The following GNAO1 variants were observed in gnomAD, a reference collection of about 807,000 sequenced individuals.
GNAO1 encodes the protein G protein subunit alpha o1.
For synonymous variants in GNAO1, 164 were observed against 180.7 expected (o/e 0.91, Z 0.74); for missense variants, 166 against 478.7 (o/e 0.35, Z 6.10).
intron 2 of GNAO1, among the ~76,000 whole-genome samples, chr16:56,246,189 C>T (rs1255592700): frequency 1.3e-5 from 2 of 152,210 alleles, no homozygotes; most frequent in Admixed American, 1.3e-4. Context: ...ACACTGTGCT[C>T]TTGGAGGTGA....
At chr16:56,233,720 G>A (rs960455089) in intron 2 of GNAO1, among the ~76,000 whole-genome samples, 2 of 152,296 alleles carry the variant, frequency 1.3e-5, no homozygotes, top group East Asian at 3.9e-4. Context: ...GCCTCCCAGC[G>A]AAGATGCTGC....
At chr16:56,284,150 G>C (rs1177067317) in intron 3 of GNAO1, among the ~76,000 whole-genome samples, 1 of 152,202 alleles carries the variant, frequency 6.6e-6, no homozygotes, top group Non-Finnish European at 1.5e-5. Flanking sequence ...CTTACTTCCT[G>C]GGGAAGTGCA....
At chr16:56,206,811 AGGGAC>A (rs1392771737) in intron 2 of GNAO1, among the ~76,000 whole-genome samples, 1 of 152,208 alleles carries the variant, frequency 6.6e-6, no homozygotes, top group Non-Finnish European at 1.5e-5. Context: ...GTCTGGAAAC[AGGGAC>A]GGTTGCACAG....
intron 6 of GNAO1, chr16:56,343,722 G>T (rs779987732): frequency 1.6e-5 from 24 of 1,543,658 alleles, no homozygotes; most frequent in Non-Finnish European, 2.1e-5. Context: ...GCAGTCCCAT[G>T]GGCCTCTCGC....
chr16:56,251,268 G>T (rs2036797387), intron 2 of GNAO1, among the ~76,000 whole-genome samples: 2 of 152,144 alleles, frequency 1.3e-5, no homozygotes, highest in Non-Finnish European at 1.5e-5. Context: ...TTTGAACCTG[G>T]GACTTGTAAC....
chr16:56,313,655 C>A (rs2037480422), intron 3 of GNAO1, among the ~76,000 whole-genome samples: 1 of 152,142 alleles, frequency 6.6e-6, no homozygotes, highest in Non-Finnish European at 1.5e-5. Flanking sequence ...TTTGAAACTC[C>A]CAGGACTTGG....
chr16:56,218,549 T>A (rs1471056943), intron 2 of GNAO1, among the ~76,000 whole-genome samples: 1 of 152,140 alleles, frequency 6.6e-6, no homozygotes, highest in Non-Finnish European at 1.5e-5. Context: ...CCACCAGCAC[T>A]TGAGCAGGGC....
At chr16:56,299,030 CT>C (rs1567474319) in intron 3 of GNAO1, among the ~76,000 whole-genome samples, 3 of 152,128 alleles carry the variant, frequency 2.0e-5, no homozygotes, top group African/African-American at 7.2e-5. Flanking sequence ...TTTGGGAAGG[CT>C]TGCCTCATCC....
At chr16:56,277,846 G>A (rs2037077962) in intron 3 of GNAO1, among the ~76,000 whole-genome samples, 1 of 141,846 alleles carries the variant, frequency 7.0e-6, no homozygotes, top group Admixed American at 7.0e-5. Context: ...CACACACGGT[G>A]TGTGAGATCT....
chr16:56,310,918 G>A (rs1168830889), intron 3 of GNAO1, among the ~76,000 whole-genome samples: 5 of 152,074 alleles, frequency 3.3e-5, no homozygotes, highest in African/African-American at 1.2e-4. Context: ...TTGTCATCAT[G>A]TGCATACAGG....
At chr16:56,261,816 A>T (rs1285115751) in intron 2 of GNAO1, among the ~76,000 whole-genome samples, 5 of 152,194 alleles carry the variant, frequency 3.3e-5, no homozygotes, top group Non-Finnish European at 5.9e-5. Context: ...CTTTCAGATC[A>T]GCAAGTCTGT....
At chr16:56,280,018 A>G (rs754994178) in intron 3 of GNAO1, among the ~76,000 whole-genome samples, 1 of 152,238 alleles carries the variant, frequency 6.6e-6, no homozygotes, top group Non-Finnish European at 1.5e-5. Flanking sequence ...CAGTTTTCAG[A>G]GAAAAAAAGG....
intron 3 of GNAO1, among the ~76,000 whole-genome samples, chr16:56,303,883 C>G (rs2037367453): frequency 1.3e-5 from 2 of 151,986 alleles, no homozygotes; most frequent in Admixed American, 1.3e-4. Flanking sequence ...TCTGATCTAC[C>G]CAATGCGACA....
chr16:56,303,734 A>T (rs1567476171), intron 3 of GNAO1, among the ~76,000 whole-genome samples: 1 of 152,034 alleles, frequency 6.6e-6, no homozygotes, highest in Non-Finnish European at 1.5e-5. Context: ...ATTGACCCCC[A>T]GCTCTTGTCC....
chr16:56,214,081 G>T (rs557838315), intron 2 of GNAO1, among the ~76,000 whole-genome samples: 1 of 152,142 alleles, frequency 6.6e-6, no homozygotes, highest in Non-Finnish European at 1.5e-5. Context: ...AATGAAGGGG[G>T]TTGACTCTGG....
chr16:56,194,312 T>C (rs573439239), intron 2 of GNAO1: 11 of 456,312 alleles, frequency 2.4e-5, no homozygotes, highest in Non-Finnish European at 3.5e-5. Context: ...ACAAGGTGCA[T>C]GTTGCATCTG....
intron 2 of GNAO1, among the ~76,000 whole-genome samples, chr16:56,218,049 G>T (rs966383485): frequency 6.6e-6 from 1 of 152,168 alleles, no homozygotes; most frequent in African/African-American, 2.4e-5. Context: ...ATTTTGTTGG[G>T]CCTAGCATTT....
intron 2 of GNAO1, among the ~76,000 whole-genome samples, chr16:56,261,631 G>A (rs570169651): frequency 6.6e-6 from 1 of 152,306 alleles, no homozygotes; most frequent in South Asian, 2.1e-4. Context: ...GTGGAGTCGG[G>A]GGAGGAGTGG....
chr16:56,209,752 G>A lies in GNAO1; in HGVS notation c.161+17136G>A, dbSNP rs551582133. 2.0e-5 allele frequency among the ~76,000 whole-genome samples: 3 copies of A among 152,112 alleles called. No individual in the cohort carries two copies. The South Asian group carries it at 6.2e-4, about 32-fold the overall frequency. ...TAATTGCTTCTTTTTTTTAAGAGCA[G>A]TTTTAGATTCACAGCAGAATTGAGA... is the stretch of plus-strand genomic sequence containing the variant. On this transcript the variant is annotated intron_variant, in intron 2 of 8. Transcript: ENST00000262493.
Sources: gnomAD v4.1 joint callset for allele counts (sites outside exome capture counted in the v4.1 genomes callset) on GRCh38, gnomAD v4.1.1 for gene constraint, MANE v1.5 for transcripts, NCBI Gene and HGNC (gene_info 2026-07-23, HGNC 2026-07-21) for gene names.